Variants in RNLS observed in about 807,000 individuals in gnomAD.
The protein encoded by RNLS is renalase.
Under a neutral mutation model 39.8 loss-of-function variants are expected in RNLS, and 39 were observed. That is an observed-to-expected ratio of 0.98 (90% CI 0.76 to 1.28). RNLS has a LOEUF of 1.28. Among genes scored for constraint, RNLS ranks in the 50% most tolerant of loss-of-function variants. The pLI is 0.00. For synonymous variants in RNLS, 147 were observed against 150.7 expected (o/e 0.98, Z 0.18); for missense variants, 410 against 413.3 (o/e 0.99, Z 0.07).
At chr10:88,341,563 T>C (rs1207488276) in intron 5 of RNLS, among the ~76,000 whole-genome samples, 1 of 152,112 alleles carries the variant, frequency 6.6e-6, no homozygotes, top group Admixed American at 6.5e-5. Context: ...TTTTGATCTT[T>C]TACTTGTAAA....
the RNLS span, among the ~76,000 whole-genome samples, chr10:88,209,757 A>G: frequency 6.6e-6 from 1 of 152,226 alleles, no homozygotes; most frequent in Admixed American, 6.5e-5. Flanking sequence ...TTTAGATCTG[A>G]AACTAAACTT....
chr10:88,493,307 T>C lies in RNLS; in HGVS notation c.526+79596A>G, dbSNP rs145455297. On this transcript the variant is annotated intron_variant, in intron 4 of 6. Coordinates refer to ENST00000331772, the MANE Select transcript of RNLS (RefSeq NM_001031709.3). ...CTAGCAAAGTAGATAATAATTGTAG[T>C]AAATGGATATTTAATAGAGGCTTAA... Among the ~76,000 whole-genome samples the C allele has an allele frequency of 6.8e-3, 1,041 of 152,200 alleles. 18 individuals carry two copies. Among genetic ancestry groups the C allele is most frequent in the East Asian group, 0.018 (94 of 5,170 alleles).
intron 6 of RNLS, among the ~76,000 whole-genome samples, chr10:88,305,574 A>G (rs965731114): frequency 6.6e-5 from 10 of 152,128 alleles, no homozygotes; most frequent in African/African-American, 2.4e-4. Flanking sequence ...AACAAAGATA[A>G]AAAAAGAAGG....
intron 4 of RNLS, among the ~76,000 whole-genome samples, chr10:88,429,302 T>C (rs1855001192): frequency 6.6e-6 from 1 of 152,008 alleles, no homozygotes; most frequent in Non-Finnish European, 1.5e-5. Context: ...ATCAAGATGA[T>C]ATATAGAAAA....
chr10:88,248,733 A>G, the RNLS span, among the ~76,000 whole-genome samples: 1 of 152,308 alleles, frequency 6.6e-6, no homozygotes, highest in East Asian at 1.9e-4. Context: ...TGTTTACAGC[A>G]GATGATTTCC....
chr10:88,329,837 C>T (rs1388935542), intron 5 of RNLS, among the ~76,000 whole-genome samples: 5 of 151,528 alleles, frequency 3.3e-5, no homozygotes, highest in East Asian at 3.8e-4. Flanking sequence ...CATTTGTAAA[C>T]GTTCTATTTG....
chr10:88,324,635 G>A (rs1469117785), intron 5 of RNLS, among the ~76,000 whole-genome samples: 3 of 152,092 alleles, frequency 2.0e-5, no homozygotes, highest in African/African-American at 7.2e-5. Flanking sequence ...TTTGGGTAAT[G>A]GGTTTACTAG....
At chr10:88,182,125 C>T in the RNLS span, among the ~76,000 whole-genome samples, 2 of 152,104 alleles carry the variant, frequency 1.3e-5, no homozygotes, top group African/African-American at 2.4e-5. Context: ...TCTCCATATA[C>T]ATTAGAGTTG....
chr10:88,502,162 T>G (rs1212641048), intron 4 of RNLS, among the ~76,000 whole-genome samples: 1 of 152,130 alleles, frequency 6.6e-6, no homozygotes. Flanking sequence ...AAATGCAGAT[T>G]TCTTTATTCT....
chr10:88,475,440 A>G (rs900794635), intron 4 of RNLS, among the ~76,000 whole-genome samples: 1 of 152,154 alleles, frequency 6.6e-6, no homozygotes, highest in Admixed American at 6.5e-5. Flanking sequence ...TCTAATAGCA[A>G]TTTAAGGAAC....
At chr10:88,469,611 A>G (rs1019935013) in intron 4 of RNLS, among the ~76,000 whole-genome samples, 7 of 152,198 alleles carry the variant, frequency 4.6e-5, no homozygotes, top group African/African-American at 1.7e-4. Flanking sequence ...TATACATATT[A>G]GCACTAGCAT....
At chr10:88,222,730 A>G in the RNLS span, among the ~76,000 whole-genome samples, 1 of 152,132 alleles carries the variant, frequency 6.6e-6, no homozygotes, top group Non-Finnish European at 1.5e-5. Flanking sequence ...GATCTAAGAA[A>G]CAGCAGGGAA....
the RNLS span, among the ~76,000 whole-genome samples, chr10:88,260,037 G>A: frequency 1.3e-5 from 2 of 152,188 alleles, no homozygotes; most frequent in Non-Finnish European, 2.9e-5. Context: ...ACAGCACCCG[G>A]CCAAAGATGG....
Position 88,582,259 on chromosome 10 carries a change from G to A in RNLS, c.167C>T (p.Ala56Val). 6.2e-7 allele frequency: 1 copy of A among 1,614,100 alleles called. No homozygotes were observed. The highest frequency in any genetic ancestry group is 1.1e-5 in the South Asian group (1 of 91,062). The change falls in exon 2 of 7, where the codon GCT (alanine) becomes GTT (valine). Residue 56 changes from alanine (A) to valine (V), a missense_variant. Transcript: ENST00000331772. ...ACSPHNPQCT[A>V]DLGAQYITCT... The stretch of plus-strand genomic sequence containing the variant: ...GGTGATGTACTGAGCACCCAAGTCA[G>A]CTGTGCACTGAGGATTATGAGGACT...
chr10:88,526,859 G>A (rs766417116), intron 4 of RNLS, among the ~76,000 whole-genome samples: 49 of 152,162 alleles, frequency 3.2e-4, no homozygotes, highest in Middle Eastern at 3.4e-3. Flanking sequence ...AAGGAGGTTA[G>A]CAGTGGGAAA....
At chr10:88,214,351 C>G in the RNLS span, among the ~76,000 whole-genome samples, 1 of 152,134 alleles carries the variant, frequency 6.6e-6, no homozygotes, top group Admixed American at 6.5e-5. Context: ...ATTTGGGGAA[C>G]TGCAACTCCC....
At chr10:88,365,516 A>C (rs990154623) in intron 4 of RNLS, among the ~76,000 whole-genome samples, 10 of 145,820 alleles carry the variant, frequency 6.9e-5, no homozygotes, top group Admixed American at 2.1e-4. Context: ...AGGATTATAT[A>C]ACACACACAC....
the RNLS span, among the ~76,000 whole-genome samples, chr10:88,237,471 A>G: frequency 6.6e-6 from 1 of 152,208 alleles, no homozygotes; most frequent in Non-Finnish European, 1.5e-5. Flanking sequence ...TGTCTCTGGC[A>G]AGCAACAGAA....
intron 4 of RNLS, among the ~76,000 whole-genome samples, chr10:88,543,403 T>C (rs1848143704): frequency 6.6e-6 from 1 of 152,200 alleles, no homozygotes; most frequent in African/African-American, 2.4e-5. Flanking sequence ...TTTAAAGTTC[T>C]AAAATTGGTT....
Sources: gnomAD v4.1 joint callset for allele counts (sites outside exome capture counted in the v4.1 genomes callset) on GRCh38, gnomAD v4.1.1 for gene constraint, MANE v1.5 for transcripts, NCBI Gene and HGNC (gene_info 2026-07-23, HGNC 2026-07-21) for gene names.